The following CACNA1C variants were observed in gnomAD, a reference collection of about 807,000 sequenced individuals.
CACNA1C encodes the protein calcium voltage-gated channel subunit alpha1 C.
Under a neutral mutation model 229.0 loss-of-function variants are expected in CACNA1C, and 30 were observed. The observed-to-expected ratio is 0.13, with a 90% CI of 0.10 to 0.18. The LOEUF (loss-of-function observed/expected upper bound fraction) is 0.18, where lower values mean the gene tolerates loss of function less well. CACNA1C is among the 10% of genes least tolerant of loss of function. The pLI is 1.00. For synonymous variants in CACNA1C, 1,114 were observed against 1,132.5 expected, an observed-to-expected ratio of 0.98 and a Z score of 0.33; for missense variants, 1,658 against 2,845.0, an observed-to-expected ratio of 0.58 and a Z score of 9.49.
intron 3 of CACNA1C, among the ~76,000 whole-genome samples, chr12:2,174,776 T>G (rs1036392689): frequency 9.2e-5 from 14 of 152,212 alleles, no homozygotes; most frequent in African/African-American, 3.4e-4. Flanking sequence ...AACACATATT[T>G]TGTATGTTGT....
chr12:2,524,793 C>A (rs1487581456), intron 9 of CACNA1C, among the ~76,000 whole-genome samples: 3 of 152,168 alleles, frequency 2.0e-5, no homozygotes, highest in African/African-American at 7.2e-5. Flanking sequence ...CACCATCGGC[C>A]GGAACACAGC....
chr12:1,986,122 A>G (rs2037694793), intron 1 of CACNA1C, among the ~76,000 whole-genome samples: 1 of 152,048 alleles, frequency 6.6e-6, no homozygotes, highest in Non-Finnish European at 1.5e-5. Context: ...CGTCAGTTCT[A>G]TTTTCAAAGG....
chr12:2,097,424 A>G (rs200464634), intron 1 of CACNA1C, among the ~76,000 whole-genome samples: 125 of 152,114 alleles, frequency 8.2e-4, no homozygotes, highest in East Asian at 2.9e-3. Flanking sequence ...GGGATTACAG[A>G]TGTGAGCCAC....
intron 1 of CACNA1C, among the ~76,000 whole-genome samples, chr12:1,997,155 T>C (rs551255826): frequency 6.6e-6 from 1 of 152,236 alleles, no homozygotes; most frequent in African/African-American, 2.4e-5. Flanking sequence ...CTGAAACATA[T>C]TCTATTGACT....
intron 7 of CACNA1C, among the ~76,000 whole-genome samples, chr12:2,496,352 C>T (rs1271770679): frequency 1.3e-5 from 2 of 152,162 alleles, no homozygotes; most frequent in East Asian, 3.8e-4. Context: ...AAGGGCAAGT[C>T]TAAAGGACTT....
chr12:2,625,786 A>C (rs555612659), intron 29 of CACNA1C, among the ~76,000 whole-genome samples: 2,014 of 152,184 alleles, frequency 0.013, 52 homozygotes, highest in African/African-American at 0.046. Flanking sequence ...CTAAAAAAAA[A>C]AAAAAAAAAT....
At chr12:2,002,232 C>G (rs1243793433) in intron 1 of CACNA1C, among the ~76,000 whole-genome samples, 2 of 152,172 alleles carry the variant, frequency 1.3e-5, no homozygotes, top group Non-Finnish European at 2.9e-5. Flanking sequence ...TAAATACTTT[C>G]TCCTCTATTC....
intron 29 of CACNA1C, among the ~76,000 whole-genome samples, chr12:2,627,536 C>T (rs2087526688): frequency 6.6e-6 from 1 of 152,018 alleles, no homozygotes; most frequent in Non-Finnish European, 1.5e-5. Context: ...AGGAGCTGGG[C>T]ACAGCTCCCT....
intron 3 of CACNA1C, among the ~76,000 whole-genome samples, chr12:2,353,779 C>T (rs192475541): frequency 1.3e-5 from 2 of 152,114 alleles, no homozygotes; most frequent in East Asian, 1.9e-4. Flanking sequence ...GCTGAGATGG[C>T]CAGAGCCTGT....
chr12:2,616,178 C>T (rs1279793429), intron 29 of CACNA1C, among the ~76,000 whole-genome samples: 1 of 152,192 alleles, frequency 6.6e-6, no homozygotes, highest in Non-Finnish European at 1.5e-5. Context: ...AGTGAAAGCA[C>T]TCATTGGCCC....
intron 9 of CACNA1C, among the ~76,000 whole-genome samples, chr12:2,535,992 T>C (rs1207030591): frequency 2.0e-5 from 3 of 152,236 alleles, no homozygotes; most frequent in South Asian, 2.1e-4. Context: ...ATGTCATCAA[T>C]GGCGGCAGCC....
intron 3 of CACNA1C, among the ~76,000 whole-genome samples, chr12:2,310,591 A>C (rs2095383473): frequency 6.6e-6 from 1 of 152,176 alleles, no homozygotes; most frequent in African/African-American, 2.4e-5. Context: ...CTCCATTTTT[A>C]GATCTGAAGA....
At chr12:2,096,186 G>A (rs995535813) in intron 1 of CACNA1C, among the ~76,000 whole-genome samples, 3 of 152,206 alleles carry the variant, frequency 2.0e-5, no homozygotes, top group African/African-American at 7.2e-5. Context: ...TTTTAACGGC[G>A]CTTGAGAAAA....
At chr12:2,245,587 A>G (rs745812275) in intron 3 of CACNA1C, among the ~76,000 whole-genome samples, 3 of 152,092 alleles carry the variant, frequency 2.0e-5, no homozygotes, top group African/African-American at 2.4e-5. Context: ...GTGTAAAAAT[A>G]TTTATCTTTA....
intron 1 of CACNA1C, among the ~76,000 whole-genome samples, chr12:2,086,670 A>G (rs1213678310): frequency 2.6e-5 from 4 of 152,144 alleles, no homozygotes; most frequent in Admixed American, 2.6e-4. Context: ...GGTCCATTTC[A>G]TTCTGCAGGG....
At chr12:2,107,662 G>A (rs2154120976) in intron 1 of CACNA1C, among the ~76,000 whole-genome samples, 1 of 152,348 alleles carries the variant, frequency 6.6e-6, no homozygotes, top group African/African-American at 2.4e-5. Flanking sequence ...CACTGAAAAA[G>A]GACTTTTGGT....
chr12:2,162,456 G>A (rs1253842702), intron 3 of CACNA1C, among the ~76,000 whole-genome samples: 1 of 151,974 alleles, frequency 6.6e-6, no homozygotes, highest in Non-Finnish European at 1.5e-5. Flanking sequence ...TCAGAGGGCA[G>A]TGGTCCATTT....
At chr12:2,028,840 C>A (rs1470004617) in intron 1 of CACNA1C, among the ~76,000 whole-genome samples, 1 of 152,174 alleles carries the variant, frequency 6.6e-6, no homozygotes, top group Non-Finnish European at 1.5e-5. Flanking sequence ...ATACTGAGAA[C>A]AGTGTGTGGC....
intron 1 of CACNA1C, among the ~76,000 whole-genome samples, chr12:2,091,026 G>A (rs902623031): frequency 1.3e-5 from 2 of 152,162 alleles, no homozygotes; most frequent in Non-Finnish European, 2.9e-5. Context: ...TGGAGAAATA[G>A]CTATTCAAGT....
Sources: gnomAD v4.1 joint callset for allele counts (sites outside exome capture counted in the v4.1 genomes callset) on GRCh38, gnomAD v4.1.1 for gene constraint, MANE v1.5 for transcripts, NCBI Gene and HGNC (gene_info 2026-07-23, HGNC 2026-07-21) for gene names.